LRRC4C: variants seen among roughly 807,000 people sequenced by gnomAD.
LRRC4C encodes the protein leucine-rich repeat-containing protein 4C.
LRRC4C carries 5 observed loss-of-function variants against 33.6 expected under a neutral mutation model. That is an observed-to-expected ratio of 0.15 (90% CI 0.08 to 0.31). The LOEUF (loss-of-function observed/expected upper bound fraction) is 0.31, where lower values mean the gene tolerates loss of function less well. Among genes scored for constraint, LRRC4C ranks in the 10% least tolerant of loss-of-function variants. The probability of loss-of-function intolerance (pLI) is 1.00; values close to 1 mark genes in which losing one functional copy is unlikely to be tolerated. For missense variants in LRRC4C, 560 were observed against 796.7 expected, an observed-to-expected ratio of 0.70 and a Z score of 3.58; for synonymous variants, 329 against 302.0, an observed-to-expected ratio of 1.09 and a Z score of -0.93.
intron 2 of LRRC4C, among the ~76,000 whole-genome samples, chr11:40,694,946 T>C (rs78618588): frequency 0.017 from 2,570 of 152,182 alleles, 70 homozygotes; most frequent in African/African-American, 0.058. Context: ...GTTTGTTTCT[T>C]TTTTTTTCTA....
intron 6 of LRRC4C, among the ~76,000 whole-genome samples, chr11:40,123,545 A>C (rs2134691733): frequency 6.6e-6 from 1 of 152,274 alleles, no homozygotes; most frequent in Middle Eastern, 3.4e-3. Context: ...AAAGATCTCT[A>C]CAGTGAAAAC....
chr11:40,878,161 G>A (rs1446930314), intron 2 of LRRC4C, among the ~76,000 whole-genome samples: 1 of 152,052 alleles, frequency 6.6e-6, no homozygotes, highest in Non-Finnish European at 1.5e-5. Flanking sequence ...ATAACATAAT[G>A]GGTGGACCGC....
intron 1 of LRRC4C, among the ~76,000 whole-genome samples, chr11:40,937,606 TGTGTG>T (rs1957963245): frequency 2.0e-5 from 2 of 100,716 alleles, no homozygotes; most frequent in African/African-American, 6.8e-5. Flanking sequence ...TGTGTATATG[TGTGTG>T]TGTGTGTGTG....
Position 40,842,330 on chromosome 11 carries a change from C to CTT in LRRC4C, c.-407+91303_-407+91304dup, listed in dbSNP as rs569054820. 2.0e-4 allele frequency among the ~76,000 whole-genome samples: 30 copies of CTT among 152,252 alleles called. 1 individual carries two copies. In the South Asian group the frequency reaches 6.2e-3, roughly 32 times the overall value. ...AACTCTTAACATTCTTCAGAATGTC[C>CTT]TTATATATAGCAGAGAAGGCCCAGT... is the stretch of plus-strand genomic sequence containing the variant. On this transcript the variant is annotated intron_variant, in intron 2 of 6. Coordinates refer to ENST00000528697, the MANE Select transcript of LRRC4C (RefSeq NM_001258419.2).
intron 2 of LRRC4C, among the ~76,000 whole-genome samples, chr11:40,789,863 C>T (rs527359850): frequency 3.9e-5 from 6 of 152,220 alleles, no homozygotes; most frequent in African/African-American, 1.2e-4. Flanking sequence ...GTCACACACA[C>T]GAGGCCATAT....
At chr11:40,914,372 G>A (rs567629136) in intron 2 of LRRC4C, among the ~76,000 whole-genome samples, 3 of 152,172 alleles carry the variant, frequency 2.0e-5, no homozygotes, top group Non-Finnish European at 4.4e-5. Context: ...CTTCATCCCT[G>A]GGATGCAAGG....
chr11:41,069,566 A>G (rs546747483), intron 1 of LRRC4C, among the ~76,000 whole-genome samples: 1 of 152,342 alleles, frequency 6.6e-6, no homozygotes, highest in Admixed American at 6.5e-5. Context: ...AACTTCAACA[A>G]AGTCTCAGGA....
At chr11:40,550,355 ATCT>A (rs1296501190) in intron 3 of LRRC4C, among the ~76,000 whole-genome samples, 1 of 152,144 alleles carries the variant, frequency 6.6e-6, no homozygotes, top group African/African-American at 2.4e-5. Context: ...ACATTTTATC[ATCT>A]TTGTTGAGGA....
chr11:41,422,105 A>G lies in LRRC4C; in HGVS notation c.-496+37326T>C, dbSNP rs934832907. Among the ~76,000 whole-genome samples the G allele has an allele frequency of 5.9e-5, 9 of 152,034 alleles. No homozygotes were observed. In the South Asian group the frequency reaches 6.2e-4, roughly 11 times the overall value. ...GAAGGTAGAGTATTCTCTTTCCTAG[A>G]TAGGAGTGATTAGAGTAATAACTAA... On this transcript the variant is annotated intron_variant, in intron 1 of 6. Transcript: ENST00000528697.
intron 3 of LRRC4C, among the ~76,000 whole-genome samples, chr11:40,362,955 C>T (rs557000613): frequency 2.1e-4 from 32 of 152,224 alleles, no homozygotes; most frequent in Middle Eastern, 3.4e-3. Context: ...AACACTTACA[C>T]GCTGTTGGTG....
At chr11:40,285,518 T>C (rs1943778446) in intron 4 of LRRC4C, among the ~76,000 whole-genome samples, 1 of 152,216 alleles carries the variant, frequency 6.6e-6, no homozygotes, top group South Asian at 2.1e-4. Context: ...TCTCATATAA[T>C]TATAAATTTC....
At chr11:40,317,086 C>A (rs924334923) in intron 4 of LRRC4C, among the ~76,000 whole-genome samples, 2 of 151,786 alleles carry the variant, frequency 1.3e-5, no homozygotes, top group African/African-American at 4.8e-5. Flanking sequence ...GTTTATTCAA[C>A]TAATGTTTAC....
At chr11:40,967,010 G>T (rs1034294272) in intron 1 of LRRC4C, among the ~76,000 whole-genome samples, 11 of 152,012 alleles carry the variant, frequency 7.2e-5, no homozygotes, top group Non-Finnish European at 1.6e-4. Flanking sequence ...TATCACCTAC[G>T]ATAGGGGCAA....
chr11:40,911,582 C>G (rs1956690875), intron 2 of LRRC4C, among the ~76,000 whole-genome samples: 1 of 152,056 alleles, frequency 6.6e-6, no homozygotes, highest in Non-Finnish European at 1.5e-5. Context: ...CAGATAAAAC[C>G]ACAAAGATGG....
chr11:41,191,603 C>A (rs1384570632), intron 1 of LRRC4C, among the ~76,000 whole-genome samples: 1 of 152,118 alleles, frequency 6.6e-6, no homozygotes, highest in African/African-American at 2.4e-5. Flanking sequence ...CAGAAGGTAG[C>A]CCCAGAGGAG....
At chr11:40,231,450 A>T (rs1865191675) in intron 5 of LRRC4C, among the ~76,000 whole-genome samples, 1 of 124,254 alleles carries the variant, frequency 8.0e-6, no homozygotes, top group African/African-American at 2.5e-5. Flanking sequence ...ACATTAAATT[A>T]TCAACATATA....
intron 3 of LRRC4C, among the ~76,000 whole-genome samples, chr11:40,516,125 T>C (rs567723279): frequency 2.8e-4 from 43 of 152,224 alleles, no homozygotes; most frequent in African/African-American, 9.6e-4. Flanking sequence ...CCTAATACTA[T>C]AGTGGCATTA....
intron 1 of LRRC4C, among the ~76,000 whole-genome samples, chr11:41,320,755 C>G (rs1468787587): frequency 6.6e-6 from 1 of 152,192 alleles, no homozygotes; most frequent in Non-Finnish European, 1.5e-5. Context: ...CAAAGACCAG[C>G]ATCGTTAAAC....
intron 1 of LRRC4C, among the ~76,000 whole-genome samples, chr11:40,942,092 G>T (rs146627155): frequency 6.6e-6 from 1 of 152,226 alleles, no homozygotes; most frequent in African/African-American, 2.4e-5. Flanking sequence ...AGGGGCAAAG[G>T]TTGGATAGAG....
Sources: gnomAD v4.1 joint callset for allele counts (sites outside exome capture counted in the v4.1 genomes callset) on GRCh38, gnomAD v4.1.1 for gene constraint, MANE v1.5 for transcripts, NCBI Gene and HGNC (gene_info 2026-07-23, HGNC 2026-07-21) for gene names.